The following CBY1 variants were observed in gnomAD, a reference collection of about 807,000 sequenced individuals.
CBY1 encodes protein chibby homolog 1.
A neutral mutation model predicts 15.6 loss-of-function variants in CBY1; 10 were observed. The ratio of observed to expected loss-of-function variants is 0.64; its 90% CI spans 0.40 to 1.09. The LOEUF (loss-of-function observed/expected upper bound fraction) is 1.09, where lower values mean the gene tolerates loss of function less well. CBY1 is among the 50% of genes least tolerant of loss of function. CBY1 has a pLI of 0.01. For missense variants in CBY1, 150 were observed against 160.5 expected, an observed-to-expected ratio of 0.93 and a Z score of 0.35; for synonymous variants, 61 against 63.5, an observed-to-expected ratio of 0.96 and a Z score of 0.19.
In CBY1 at chr22:38,671,346, C is replaced by A. The variant is rs532722392; in HGVS notation, c.303+158C>A. 3.0e-5 allele frequency: 20 copies of A among 665,348 alleles called. No individual in the cohort carries two copies. In the South Asian group the frequency reaches 3.5e-4, roughly 11 times the overall value. 41.2% of individuals were successfully genotyped at this position (665,348 alleles called of 1,614,324 possible). ...GCAAGGAACAAGACACAGTTCCTGC[C>A]CTCACAGTGTAGAGGCAGGTGGACC... is the stretch of plus-strand genomic sequence containing the variant. On this transcript the variant is annotated intron_variant, in intron 4 of 4. Coordinates refer to ENST00000216029, the MANE Select transcript of CBY1 (RefSeq NM_015373.4).
intron 1 of CBY1, among the ~76,000 whole-genome samples, chr22:38,660,763 G>A (rs1297481066): frequency 6.7e-6 from 1 of 148,754 alleles, no homozygotes; most frequent in East Asian, 2.0e-4. Context: ...TTGAGACGGA[G>A]TTTCACTCTT....
At position 38,668,094 on chromosome 22, in the gene CBY1, C is replaced by T; in HGVS notation, c.40C>T (p.Pro14Ser). The T allele has an allele frequency of 2.5e-6, 4 of 1,613,690 alleles. No individual in the cohort carries two copies. Among genetic ancestry groups the T allele is most frequent in the South Asian group, 1.1e-5 (1 of 91,058 alleles). ...GAATACGTTCAGTCCGAAGAAGACA[C>T]CTCCTCGGAAGTCGGCATCTCTCTC... ...FGNTFSPKKT[P>S]PRKSASLSNL... is the part of the protein sequence containing the mutation. Residue 14 changes from proline to serine, a missense_variant, in exon 2 of 5, where the codon CCT becomes TCT. Physicochemically the swap from Pro to Ser is moderately conservative, Grantham distance 74 (BLOSUM62 -1). Transcript: ENST00000216029.
Position 38,670,935 on chromosome 22 carries a change from A to C in CBY1, c.130A>C (p.Thr44Pro). Reference protein sequence around the residue: ...VELGLEYGSPTMNLAGQSLKF... With the variant: ...VELGLEYGSPPMNLAGQSLKF... ...GCTGGGCTTGGAATACGGATCCCCG[A>C]CTATGAACCTGGCAGGGCAAAGCCT... Residue 44 changes from threonine (T) to proline (P), a missense_variant, in exon 3 of 5, where the codon ACT becomes CCT. Thr to Pro is a conservative substitution (Grantham distance 38). Transcript: ENST00000216029. The C allele has an allele frequency of 6.2e-7, 1 of 1,614,242 alleles. No homozygotes were observed. Among genetic ancestry groups the C allele is most frequent in the Non-Finnish European group, 8.5e-7 (1 of 1,180,042 alleles).
chr22:38,672,059 C>T (rs1183252924), intron 4 of CBY1, among the ~76,000 whole-genome samples: 5 of 151,002 alleles, frequency 3.3e-5, no homozygotes, highest in Non-Finnish European at 7.4e-5. Flanking sequence ...GTCAGGAGTT[C>T]GAGACCAGCC....
intron 1 of CBY1, among the ~76,000 whole-genome samples, chr22:38,664,186 AGAG>A (rs2092429867): frequency 6.6e-6 from 1 of 151,922 alleles, no homozygotes; most frequent in Admixed American, 6.6e-5. Context: ...AAATGGCAAA[AGAG>A]GGCTGGGCGC....
At chr22:38,658,497 G>C (rs1360611924) in intron 1 of CBY1, among the ~76,000 whole-genome samples, 1 of 150,048 alleles carries the variant, frequency 6.7e-6, no homozygotes, top group Non-Finnish European at 1.5e-5. Flanking sequence ...GTCTGACTCT[G>C]TTGCCCAGGC....
intron 1 of CBY1, among the ~76,000 whole-genome samples, chr22:38,663,418 G>A (rs1261779319): frequency 6.6e-6 from 1 of 151,926 alleles, no homozygotes; most frequent in Non-Finnish European, 1.5e-5. Flanking sequence ...AAAAGAGGCC[G>A]GACGCGGTGG....
chr22:38,657,505 C>T (rs1327275213), intron 1 of CBY1, among the ~76,000 whole-genome samples: 1 of 152,234 alleles, frequency 6.6e-6, no homozygotes, highest in Non-Finnish European at 1.5e-5. Context: ...TTGCCATGGG[C>T]CAGTGGGACA....
In CBY1 at chr22:38,668,104, A is replaced by T. The variant is rs1357893456; in HGVS notation, c.50A>T (p.Lys17Met). Residue 17 changes from lysine (K) to methionine (M), a missense_variant, in exon 2 of 5, where the codon AAG becomes ATG. Transcript: ENST00000216029. ...TFSPKKTPPRKSASLSNLHSL... is the reference protein window; with the variant it reads ...TFSPKKTPPRMSASLSNLHSL... Reference sequence around the variant, plus strand: ...AGTCCGAAGAAGACACCTCCTCGGAAGTCGGCATCTCTCTCCAACCTGCAT... The same window carrying T: ...AGTCCGAAGAAGACACCTCCTCGGATGTCGGCATCTCTCTCCAACCTGCAT... 1.2e-6 allele frequency: 2 copies of T among 1,612,680 alleles called. No homozygotes were observed. The highest frequency in any genetic ancestry group is 1.7e-6 in the Non-Finnish European group (2 of 1,178,752).
chr22:38,665,426 T>C lies in CBY1; in HGVS notation c.-38-2591T>C, dbSNP rs896689976. The C allele has an allele frequency of 8.0e-6, 3 of 373,678 alleles. No individual in the cohort carries two copies. In the Admixed American group the frequency reaches 1.4e-4, roughly 17 times the overall value. 23.1% of individuals were successfully genotyped at this position (373,678 alleles called of 1,614,324 possible). A position where few individuals can be genotyped will look rare whatever the true frequency, so the allele number is the denominator to read the frequency against. On this transcript the variant is annotated intron_variant, in intron 1 of 4. Transcript: ENST00000216029. Reference sequence around the variant, plus strand: ...CTACAGTGAACAGAGATGGTACCACTGCACTCCAACCTGGGGGACCAGAAC... The same window carrying C: ...CTACAGTGAACAGAGATGGTACCACCGCACTCCAACCTGGGGGACCAGAAC...
At chr22:38,665,397 G>A in intron 1 of CBY1, 1 of 358,532 alleles carries the variant, frequency 2.8e-6, no homozygotes, top group Non-Finnish European at 5.0e-6. Context: ...CTGGGAGGTT[G>A]AGGCTACAGT....
chr22:38,671,004 C>G lies in CBY1; in HGVS notation c.184+15C>G. On this transcript the variant is annotated intron_variant, in intron 3 of 4. Transcript: ENST00000216029. ...GTGGATAGCAGGTGAGCTGCACTTC[C>G]TGCCATTTTGTCAAACAAGATTGTA... 3.7e-6 allele frequency: 6 copies of G among 1,612,698 alleles called. No homozygotes were observed. The highest frequency in any genetic ancestry group is 5.1e-6 in the Non-Finnish European group (6 of 1,178,636).
At chr22:38,668,325 C>A (rs757857359) in intron 2 of CBY1, 193 bp downstream of exon 2, 4 of 530,924 alleles carry the variant, frequency 7.5e-6, no homozygotes, top group Non-Finnish European at 1.3e-5. Flanking sequence ...TATCCAAGAA[C>A]CTAAGAAGAC....
At chr22:38,667,019 T>A (rs950244601) in intron 1 of CBY1, among the ~76,000 whole-genome samples, 7 of 147,470 alleles carry the variant, frequency 4.7e-5, no homozygotes, top group East Asian at 2.1e-4. Flanking sequence ...TCTTTATTTT[T>A]TTTTTTTTAG....
intron 1 of CBY1, among the ~76,000 whole-genome samples, chr22:38,659,755 G>A (rs1457042935): frequency 1.3e-5 from 2 of 151,520 alleles, no homozygotes; most frequent in East Asian, 2.0e-4. Flanking sequence ...CCAGCTACTC[G>A]GGAGGCTGAG....
At chr22:38,659,721 G>A (rs1376159475) in intron 1 of CBY1, among the ~76,000 whole-genome samples, 4 of 151,952 alleles carry the variant, frequency 2.6e-5, no homozygotes, top group Non-Finnish European at 4.4e-5. Flanking sequence ...AATTGCCCAG[G>A]TGTGGTGGCA....
Position 38,671,133 on chromosome 22 carries a change from A to C in CBY1, c.248A>C (p.Gln83Pro). The C allele has an allele frequency of 6.2e-7, 1 of 1,614,232 alleles. No homozygotes were observed. Among genetic ancestry groups the C allele is most frequent in the Non-Finnish European group, 8.5e-7 (1 of 1,180,030 alleles). ...EVQRLRRRNQ[Q>P]LEEENNLLRL... ...CAGCGCCTTCGCAGGCGGAACCAGCAGTTGGAGGAAGAGAACAATCTCTTG... is the reference window on the plus strand; with the variant it reads ...CAGCGCCTTCGCAGGCGGAACCAGCCGTTGGAGGAAGAGAACAATCTCTTG... The change falls in exon 4 of 5, where the codon CAG (glutamine) becomes CCG (proline). Residue 83 changes from glutamine to proline, a missense_variant. Gln to Pro is a moderately conservative substitution (Grantham distance 76). Transcript: ENST00000216029.
chr22:38,668,245 C>G, intron 2 of CBY1, 113 bp downstream of exon 2: 1 of 662,266 alleles, frequency 1.5e-6, no homozygotes, highest in Non-Finnish European at 2.8e-6. Flanking sequence ...GGCATCCTTT[C>G]CGTCCATATC....
intron 4 of CBY1, 122 bp downstream of exon 4, chr22:38,671,310 C>A: frequency 1.3e-6 from 1 of 757,082 alleles, no homozygotes; most frequent in Non-Finnish European, 2.3e-6. Context: ...GCTTTGCATC[C>A]AAAGCCACAC....
Sources: allele counts gnomAD v4.1 joint callset (sites outside exome capture counted in the v4.1 genomes callset), GRCh38; gene constraint gnomAD v4.1.1; transcripts MANE v1.5; gene names NCBI Gene and HGNC (gene_info 2026-07-23, HGNC 2026-07-21).